FAM234A: variants seen among roughly 807,000 people sequenced by gnomAD.
FAM234A encodes protein FAM234A.
A neutral mutation model predicts 49.1 loss-of-function variants in FAM234A; 42 were observed. That is an observed-to-expected ratio of 0.86 (90% CI 0.67 to 1.11). The LOEUF is 1.11. Ranked by LOEUF, FAM234A falls within the 50% of genes least tolerant of loss-of-function variation. The pLI is 0.00. For missense variants in FAM234A, 815 were observed against 745.2 expected, an observed-to-expected ratio of 1.09 and a Z score of -1.09; for synonymous variants, 369 against 316.2, an observed-to-expected ratio of 1.17 and a Z score of -1.77.
chr16:265,931 G>C lies in FAM234A; in HGVS notation c.*909G>C. 2 of 986,152 alleles carry C rather than the reference G, an allele frequency of 2.0e-6. No homozygotes were observed. The highest frequency in any genetic ancestry group is 2.4e-6 in the Non-Finnish European group (2 of 830,228). The allele number at this position is 986,152 out of a possible 1,614,324, so 61.1% of individuals were successfully genotyped here. ...GCCCACGCCGTGCCACCCGATGCAGGACTCACCTCTGTGCCTTGCTGCTCC... is the reference window on the plus strand; with the variant it reads ...GCCCACGCCGTGCCACCCGATGCAGCACTCACCTCTGTGCCTTGCTGCTCC... On this transcript the variant is annotated 3_prime_UTR_variant, in exon 13 of 13. Transcript: ENST00000399932.
chr16:235,001 C>T (rs1315458582), intron 1 of FAM234A, 144 bp downstream of exon 1: 1 of 152,316 alleles, frequency 6.6e-6, no homozygotes, highest in Non-Finnish European at 1.5e-5. Context: ...GCTCCTCCGC[C>T]TTCCCGAGTC....
intron 1 of FAM234A, among the ~76,000 whole-genome samples, chr16:242,695 C>T (rs370079729): frequency 6.6e-6 from 1 of 151,674 alleles, no homozygotes; most frequent in Non-Finnish European, 1.5e-5. Context: ...TCACTGCAAC[C>T]TCTGCCCCCC....
intron 1 of FAM234A, among the ~76,000 whole-genome samples, chr16:247,899 G>A (rs1394605839): frequency 1.3e-5 from 2 of 152,058 alleles, no homozygotes; most frequent in African/African-American, 4.8e-5. Flanking sequence ...CCCTGACCTG[G>A]GTTCGCCCAA....
At chr16:262,599 T>G (rs1196318433) in intron 8 of FAM234A, 46 bp downstream of exon 8, 3 of 1,513,130 alleles carry the variant, frequency 2.0e-6, no homozygotes, top group Non-Finnish European at 2.6e-6. Context: ...GCCCACCCCA[T>G]GGCTCTGCTC....
At chr16:262,682 C>T (rs866041913) in intron 8 of FAM234A, 129 bp downstream of exon 8, 13 of 876,540 alleles carry the variant, frequency 1.5e-5, no homozygotes, top group South Asian at 5.4e-5. Flanking sequence ...CTCGGGGTAC[C>T]GCAAGGTCAC....
rs112197441 is a variant in FAM234A, at chr16:256,989, G to A, written c.268+2308G>A. Among the ~76,000 whole-genome samples, 1,519 of 152,250 alleles carry A rather than the reference G, an allele frequency of 1.0e-2. 45 individuals are homozygous for A. The East Asian group carries it at 0.11, about 11-fold the overall frequency. ...ATTCCCGACCTTAGGTGATTGGCCT[G>A]CCTCAGCATCCCAAAGTGCTGGGAT... On this transcript the variant is annotated intron_variant, in intron 3 of 12. Transcript: ENST00000399932.
rs537407108 is a variant in FAM234A at position 247,940 on chromosome 16, G to A, written c.-139-1609G>A. Among the ~76,000 whole-genome samples the A allele has an allele frequency of 3.2e-4, 48 of 152,206 alleles. 2 individuals carry two copies. In the South Asian group the frequency reaches 8.7e-3, roughly 28 times the overall value. On this transcript the variant is annotated intron_variant, in intron 1 of 12. Coordinates refer to ENST00000399932, the MANE Select transcript of FAM234A (RefSeq NM_032039.4). Reference sequence around the variant, plus strand: ...GGGAGAGTCCCCATGGAGGCACTGCGGGGCCTGACTGTCTGGGAACCCTCT... The same window carrying A: ...GGGAGAGTCCCCATGGAGGCACTGCAGGGCCTGACTGTCTGGGAACCCTCT...
At chr16:251,684 T>TG (rs2051016087) in intron 2 of FAM234A, among the ~76,000 whole-genome samples, 1 of 137,498 alleles carries the variant, frequency 7.3e-6, no homozygotes, top group African/African-American at 3.0e-5. Flanking sequence ...GCCAGGTTTT[T>TG]TTTTTTTTTT....
chr16:268,009 A>C (rs1415751184), downstream of FAM234A, among the ~76,000 whole-genome samples: 2 of 146,074 alleles, frequency 1.4e-5, no homozygotes, highest in African/African-American at 5.2e-5. Context: ...ACACACGCAC[A>C]CACACCACAT....
chr16:253,624 G>A (rs887662713), intron 2 of FAM234A, among the ~76,000 whole-genome samples: 2 of 151,988 alleles, frequency 1.3e-5, no homozygotes, highest in Admixed American at 6.6e-5. Context: ...ACAGGTGCCC[G>A]CCACCGTGCC....
At position 261,984 on chromosome 16, in the gene FAM234A, C is replaced by T. The variant is rs935299041; in HGVS notation, c.709-109C>T. On this transcript the variant is annotated intron_variant, in intron 6 of 12. Coordinates refer to ENST00000399932, the MANE Select transcript of FAM234A (RefSeq NM_032039.4). Reference sequence around the variant, plus strand: ...AGGCTCACGTCCCTCTCTTCCTGGGCCTTGTGTCATTGCAGCCCCAGGCTC... The same window carrying T: ...AGGCTCACGTCCCTCTCTTCCTGGGTCTTGTGTCATTGCAGCCCCAGGCTC... The T allele has an allele frequency of 1.8e-5, 16 of 889,998 alleles. No individual in the cohort carries two copies. In the Admixed American group the frequency reaches 2.5e-4, roughly 14 times the overall value. The allele number at this position is 889,998 out of a possible 1,614,324, so 55.1% of individuals were successfully genotyped here.
intron 2 of FAM234A, among the ~76,000 whole-genome samples, chr16:253,002 C>A (rs1199453118): frequency 6.6e-6 from 1 of 152,170 alleles, no homozygotes; most frequent in Non-Finnish European, 1.5e-5. Flanking sequence ...GTTAGGACAT[C>A]GGTTTGGTTG....
At chr16:255,234 C>T (rs2051184357) in intron 3 of FAM234A, among the ~76,000 whole-genome samples, 1 of 152,234 alleles carries the variant, frequency 6.6e-6, no homozygotes, top group African/African-American at 2.4e-5. Context: ...AAGTCATCCT[C>T]CTCCCTCGGC....
chr16:242,715 C>T (rs904382217), intron 1 of FAM234A, among the ~76,000 whole-genome samples: 3 of 151,224 alleles, frequency 2.0e-5, no homozygotes, highest in African/African-American at 7.3e-5. Flanking sequence ...CGGGTTCAAG[C>T]GATTCTCCTG....
At position 262,555 on chromosome 16, in the gene FAM234A, T is replaced by C; in HGVS notation, c.971+2T>C. The C allele has an allele frequency of 6.3e-7, 1 of 1,596,316 alleles. No individual in the cohort carries two copies. The stretch of plus-strand genomic sequence containing the variant: ...CACCCGCAGGATGCTTTCCCACAGG[T>C]GGGTCCGGGCCGCAGCCTTTCTCCA... On this transcript the variant is annotated splice_donor_variant, in intron 8 of 12. Transcript: ENST00000399932. LOFTEE classifies it high-confidence loss of function.
At chr16:238,800 C>A (rs1292176226) in intron 1 of FAM234A, among the ~76,000 whole-genome samples, 2 of 134,026 alleles carry the variant, frequency 1.5e-5, no homozygotes, top group Admixed American at 1.5e-4. Flanking sequence ...AAAAAAAATC[C>A]CTGGCTGGGC....
Position 244,024 on chromosome 16 carries a change from A to G in FAM234A, c.-139-5525A>G, listed in dbSNP as rs192433550. Among the ~76,000 whole-genome samples the G allele has an allele frequency of 5.6e-3, 847 of 150,914 alleles. 8 individuals carry two copies. The highest frequency in any genetic ancestry group is 0.02 in the African/African-American group (803 of 41,066). On this transcript the variant is annotated intron_variant, in intron 1 of 12. Transcript: ENST00000399932. ...TGCTCTGTCACCCAGGCTGGAGTGC[A>G]GTGGTGCCATCTCGGCTCACTGCAA...
chr16:265,309 AGTG>A lies in FAM234A; in HGVS notation c.*290_*292del. ...CCCGCTCACACCAGGCAGCCTTCAT[AGTG>A]GTCTCCCTGGCCACCTTGGGCAGAG... On this transcript the variant is annotated 3_prime_UTR_variant, in exon 13 of 13. Coordinates refer to ENST00000399932, the MANE Select transcript of FAM234A (RefSeq NM_032039.4). The A allele has an allele frequency of 8.2e-7, 1 of 1,224,770 alleles. No homozygotes were observed. The highest frequency in any genetic ancestry group is 3.8e-5 in the East Asian group (1 of 26,106). The allele number at this position is 1,224,770 out of a possible 1,614,324, so 75.9% of individuals were successfully genotyped here.
At chr16:252,427 TGCCTCG>T (rs1252713566) in intron 2 of FAM234A, among the ~76,000 whole-genome samples, 3 of 151,902 alleles carry the variant, frequency 2.0e-5, no homozygotes, top group Non-Finnish European at 4.4e-5. Context: ...GTGATCTGCC[TGCCTCG>T]GCCTCTCAAA....
Sources: allele counts gnomAD v4.1 joint callset (sites outside exome capture counted in the v4.1 genomes callset), GRCh38; gene constraint gnomAD v4.1.1; transcripts MANE v1.5; gene names NCBI Gene and HGNC (gene_info 2026-07-23, HGNC 2026-07-21).